Variants in OLFM3 observed in about 807,000 individuals in gnomAD.
The protein encoded by OLFM3 is olfactomedin 3.
In OLFM3, 20 loss-of-function variants were observed where a neutral mutation model predicts 48.6. The observed-to-expected ratio is 0.41, with a 90% CI of 0.29 to 0.60. OLFM3 has a LOEUF of 0.60. Among genes scored for constraint, OLFM3 ranks in the 20% least tolerant of loss-of-function variants. OLFM3 has a pLI of 0.28. For missense variants in OLFM3, 437 were observed against 544.3 expected (o/e 0.80, Z 1.96); for synonymous variants, 222 against 198.1 (o/e 1.12, Z -1.01).
At chr1:101,927,584 AACCTCC>A (rs1430619174) in intron 1 of OLFM3, among the ~76,000 whole-genome samples, 1 of 151,914 alleles carries the variant, frequency 6.6e-6, no homozygotes, top group African/African-American at 2.4e-5. Context: ...CTTGTTCCCA[AACCTCC>A]TTACTTTAAA....
chr1:101,902,518 A>G (rs1328595628), intron 1 of OLFM3, among the ~76,000 whole-genome samples: 1 of 152,102 alleles, frequency 6.6e-6, no homozygotes. Context: ...AAATGAAACT[A>G]AGAGGAACTA....
intron 4 of OLFM3, among the ~76,000 whole-genome samples, chr1:101,814,391 AAAC>A (rs1046281300): frequency 6.6e-6 from 1 of 152,212 alleles, no homozygotes; most frequent in Non-Finnish European, 1.5e-5. Flanking sequence ...ATAAATTAAA[AAAC>A]AAATAAACAA....
chr1:101,967,870 A>C (rs1030070383), intron 1 of OLFM3, among the ~76,000 whole-genome samples: 9 of 151,952 alleles, frequency 5.9e-5, no homozygotes, highest in South Asian at 4.1e-4. Flanking sequence ...CATTCTTCAG[A>C]GTATTCTTCC....
Position 101,996,866 on chromosome 1 carries a change from A to G in OLFM3, c.-50T>C, listed in dbSNP as rs771623878. ...TTACTCTCTTTTATGTAGGCTCTCC[A>G]CTCACTGCAGAGACCTTTCCCTCGT... On this transcript the variant is annotated 5_prime_UTR_variant, in exon 1 of 6. Transcript: ENST00000370103. 1.3e-6 allele frequency: 2 copies of G among 1,583,932 alleles called. No individual in the cohort carries two copies. Among genetic ancestry groups the G allele is most frequent in the African/African-American group, 2.7e-5 (2 of 73,762 alleles).
chr1:101,828,075 T>TCTCTCTCTCTCTCTCC (rs1654970170), intron 3 of OLFM3, among the ~76,000 whole-genome samples: 1 of 151,774 alleles, frequency 6.6e-6, no homozygotes, highest in Non-Finnish European at 1.5e-5. Context: ...TGTCTCTCTC[T>TCTCTCTCTCTCTCTCC]CTCTCCTCCT....
chr1:101,960,635 T>C (rs576527534), intron 1 of OLFM3, among the ~76,000 whole-genome samples: 7 of 151,886 alleles, frequency 4.6e-5, no homozygotes, highest in African/African-American at 9.7e-5. Context: ...TGGGTGAGTA[T>C]TGCCAAATTG....
intron 1 of OLFM3, among the ~76,000 whole-genome samples, chr1:101,884,718 G>A (rs75451087): frequency 6.6e-6 from 1 of 151,998 alleles, no homozygotes; most frequent in Non-Finnish European, 1.5e-5. Flanking sequence ...CCTGGACAAT[G>A]AGAATCCTTT....
chr1:101,888,719 C>G (rs915962043), intron 1 of OLFM3, among the ~76,000 whole-genome samples: 18 of 152,130 alleles, frequency 1.2e-4, no homozygotes, highest in African/African-American at 3.9e-4. Context: ...AGGCAACCTA[C>G]AGAATGGGAG....
At chr1:101,820,813 A>G (rs1654575579) in intron 4 of OLFM3, among the ~76,000 whole-genome samples, 1 of 152,138 alleles carries the variant, frequency 6.6e-6, no homozygotes, top group African/African-American at 2.4e-5. Context: ...CCACTGAAAA[A>G]GTGAGGGAAA....
At chr1:101,928,717 A>G (rs1307605488) in intron 1 of OLFM3, among the ~76,000 whole-genome samples, 2 of 152,156 alleles carry the variant, frequency 1.3e-5, no homozygotes, top group Non-Finnish European at 1.5e-5. Flanking sequence ...TATGTCCTGA[A>G]GACCTACTAT....
chr1:101,928,175 A>G (rs1659332691), intron 1 of OLFM3, among the ~76,000 whole-genome samples: 1 of 152,144 alleles, frequency 6.6e-6, no homozygotes, highest in African/African-American at 2.4e-5. Context: ...CTTTCTTCAT[A>G]TGGGAACATT....
intron 3 of OLFM3, among the ~76,000 whole-genome samples, chr1:101,830,129 C>T (rs12122825): frequency 0.069 from 10,470 of 152,162 alleles, 461 homozygotes; most frequent in Admixed American, 0.13. Context: ...TGAGCCACCA[C>T]GCCCGGCCGA....
At chr1:101,806,381 A>G (rs1374897809) in intron 4 of OLFM3, among the ~76,000 whole-genome samples, 199 bp from the exon 5 acceptor site, 2 of 151,836 alleles carry the variant, frequency 1.3e-5, no homozygotes, top group Non-Finnish European at 2.9e-5. Flanking sequence ...TGCTTTTTCA[A>G]TGCTCCAAAT....
At position 101,944,331 on chromosome 1, in the gene OLFM3, C is replaced by G. The variant is rs371458756; in HGVS notation, c.69+52417G>C. ...CTAATCCTGCAAGAATTGCATATGACTTCATTGTAATAATAATCCAGAGGA... is the reference window on the plus strand; with the variant it reads ...CTAATCCTGCAAGAATTGCATATGAGTTCATTGTAATAATAATCCAGAGGA... On this transcript the variant is annotated intron_variant, in intron 1 of 5. Coordinates refer to ENST00000370103, the MANE Select transcript of OLFM3 (RefSeq NM_058170.4). Among the ~76,000 whole-genome samples the G allele has an allele frequency of 2.2e-4, 34 of 152,128 alleles. No homozygotes were observed. In the East Asian group the frequency reaches 6.0e-3, roughly 27 times the overall value.
chr1:101,899,605 C>T (rs1181340023), intron 1 of OLFM3, among the ~76,000 whole-genome samples: 4 of 151,942 alleles, frequency 2.6e-5, no homozygotes, highest in African/African-American at 4.8e-5. Context: ...TGCTGGTAAA[C>T]GTTTGACATT....
intron 1 of OLFM3, among the ~76,000 whole-genome samples, chr1:101,890,460 C>T (rs1657947530): frequency 6.6e-6 from 1 of 151,810 alleles, no homozygotes; most frequent in Non-Finnish European, 1.5e-5. Context: ...TTTCATTTTA[C>T]TTTTTAGACT....
chr1:101,839,753 G>A (rs893751392), intron 1 of OLFM3, among the ~76,000 whole-genome samples: 4 of 152,198 alleles, frequency 2.6e-5, no homozygotes, highest in East Asian at 1.9e-4. Context: ...GAAAGGTGAA[G>A]AGGGTTTAAT....
At chr1:101,822,711 T>C (rs1451279931) in intron 4 of OLFM3, among the ~76,000 whole-genome samples, 1 of 152,174 alleles carries the variant, frequency 6.6e-6, no homozygotes, top group South Asian at 2.1e-4. Flanking sequence ...TATCTTATTT[T>C]ATGGAGACAC....
chr1:101,804,783 A>G lies in OLFM3; in HGVS notation c.832T>C (p.Tyr278His). ...FKWAGTNHVV[Y>H]NGSLYFNKYQ... ...TTGTTAAAATAGAGTGAGCCATTGTAGACAACATGGTTAGTTCCTGCCCAC... is the reference window on the plus strand; with the variant it reads ...TTGTTAAAATAGAGTGAGCCATTGTGGACAACATGGTTAGTTCCTGCCCAC... Residue 278 changes from tyrosine to histidine, a missense_variant, in exon 6 of 6, where the codon TAC (tyrosine) becomes CAC (histidine). Tyr to His is a moderately conservative substitution (Grantham distance 83). Around this residue, in one of 3 missense-constraint regions of OLFM3, gnomAD observed 314 missense variants for 365.5 expected, o/e 0.86. Coordinates refer to ENST00000370103, the MANE Select transcript of OLFM3 (RefSeq NM_058170.4). This position sits in a 1 kb window ranked among gnomAD's most constrained non-coding sequence, Gnocchi z 4.5. 1 of 1,612,714 alleles carries G rather than the reference A, an allele frequency of 6.2e-7. No homozygotes were observed. The highest frequency in any genetic ancestry group is 8.5e-7 in the Non-Finnish European group (1 of 1,179,140).
Sources: allele counts gnomAD v4.1 joint callset (sites outside exome capture counted in the v4.1 genomes callset), GRCh38; gene constraint gnomAD v4.1.1; regional missense constraint gnomAD v4.1.1; non-coding constraint Gnocchi (gnomAD v3.1); transcripts MANE v1.5; gene names NCBI Gene and HGNC (gene_info 2026-07-23, HGNC 2026-07-21).